Variants in DDX60L observed in about 807,000 individuals in gnomAD.
DDX60L encodes probable ATP-dependent RNA helicase DDX60-like.
DDX60L carries 191 observed loss-of-function variants against 211.6 expected under a neutral mutation model. The observed-to-expected ratio is 0.90, with a 90% CI of 0.80 to 1.02. DDX60L has a LOEUF of 1.02. DDX60L is among the 50% of genes least tolerant of loss of function. DDX60L has a pLI of 0.00. For synonymous variants in DDX60L, 706 were observed against 694.1 expected (o/e 1.02, Z -0.27); for missense variants, 2,007 against 1,984.1 (o/e 1.01, Z -0.22).
At chr4:168,474,633 C>T (rs904098041) in intron 1 of DDX60L, among the ~76,000 whole-genome samples, 2 of 151,962 alleles carry the variant, frequency 1.3e-5, no homozygotes, top group Non-Finnish European at 2.9e-5. Context: ...AGCAAGATTG[C>T]AGATATAAAA....
chr4:168,384,312 C>T (rs990137174), intron 30 of DDX60L, among the ~76,000 whole-genome samples: 4 of 151,992 alleles, frequency 2.6e-5, no homozygotes, highest in African/African-American at 7.3e-5. Context: ...GAGCCCTCAC[C>T]TCTACACAAA....
chr4:168,450,488 G>T (rs999805525), intron 8 of DDX60L, among the ~76,000 whole-genome samples: 3 of 147,896 alleles, frequency 2.0e-5, no homozygotes, highest in African/African-American at 7.5e-5. Flanking sequence ...AAAAAAAAAA[G>T]ATTACAGATG....
intron 8 of DDX60L, among the ~76,000 whole-genome samples, chr4:168,449,330 T>C (rs1185636226): frequency 5.3e-5 from 8 of 150,298 alleles, no homozygotes; most frequent in East Asian, 3.9e-4. Flanking sequence ...ATGGATGAAA[T>C]TGGAAACCAT....
chr4:168,453,696 G>A (rs1327162145), intron 7 of DDX60L, among the ~76,000 whole-genome samples: 2 of 152,084 alleles, frequency 1.3e-5, no homozygotes, highest in Admixed American at 6.6e-5. Context: ...ATGAGAAATC[G>A]GGGAAGGAAA....
chr4:168,472,508 T>C lies in DDX60L; in HGVS notation c.21A>G (p.Ala7=). The change falls in exon 3 of 38, where the codon GCA becomes GCG. Residue 7 remains alanine, a synonymous_variant. Coordinates refer to ENST00000682922, the MANE Select transcript of DDX60L (RefSeq NM_001012967.3). MGSKDH[A]VFFREMTQLI... is the part of the protein sequence containing the mutation. ...ACTGTGTCATTTCCCTGAAAAATAC[T>C]GCATGATCCTTTGACCCTAAAAATA... 1.3e-6 allele frequency: 2 copies of C among 1,579,602 alleles called. No individual in the cohort carries two copies. The highest frequency in any genetic ancestry group is 1.1e-5 in the South Asian group (1 of 86,994).
intron 4 of DDX60L, 165 bp downstream of exon 4, chr4:168,471,582 G>A (rs934953354): frequency 3.2e-5 from 16 of 498,652 alleles, no homozygotes; most frequent in Middle Eastern, 1.0e-3. Flanking sequence ...ATAAAGAATG[G>A]TTATCTCTGA....
Position 168,371,693 on chromosome 4 carries a change from C to T in DDX60L, c.4847G>A (p.Arg1616Gln), listed in dbSNP as rs780659128. ...TGCATTTAGTGGCATTCTCCTTCCT[C>T]GGTTATCTAATTTCCATGGCCACAG... ...PLLWPWKLDN[R>Q]GRRMPLNAYV... The change falls in exon 36 of 38, where the codon CGA becomes CAA. Residue 1616 changes from arginine to glutamine, a missense_variant. Transcript: ENST00000682922. 23 of 1,611,062 alleles carry T rather than the reference C, an allele frequency of 1.4e-5. 1 individual carries two copies. In the South Asian group the frequency reaches 1.5e-4, roughly 11 times the overall value.
intron 8 of DDX60L, among the ~76,000 whole-genome samples, chr4:168,450,357 A>G (rs1362712235): frequency 6.6e-6 from 1 of 151,992 alleles, no homozygotes; most frequent in East Asian, 1.9e-4. Context: ...GACCTGACCA[A>G]TCAGCATTCT....
intron 32 of DDX60L, 69 bp from the exon 33 acceptor site, chr4:168,378,544 G>GT: frequency 1.6e-6 from 2 of 1,253,942 alleles, no homozygotes; most frequent in Non-Finnish European, 2.1e-6. Context: ...GCCTAAATTT[G>GT]TTTTTATAGT....
intron 26 of DDX60L, among the ~76,000 whole-genome samples, 172 bp from the exon 27 acceptor site, chr4:168,396,296 A>T (rs1745779209): frequency 6.6e-6 from 1 of 152,100 alleles, no homozygotes; most frequent in Non-Finnish European, 1.5e-5. Context: ...TTCATCTAGA[A>T]GTCAGGTCCC....
chr4:168,379,505 C>A lies in DDX60L; in HGVS notation c.4222-1G>T. ...GATTACCCTTTTTATTTAAATAGTC[C>A]TAAAAATGAGAAACAAAAAGTTGAT... On this transcript the variant is annotated splice_acceptor_variant, in intron 31 of 37. Transcript: ENST00000682922. LOFTEE classifies it high-confidence loss of function. The A allele has an allele frequency of 6.4e-7, 1 of 1,552,636 alleles. No individual in the cohort carries two copies. The highest frequency in any genetic ancestry group is 8.7e-7 in the Non-Finnish European group (1 of 1,154,260).
intron 1 of DDX60L, 33 bp from the exon 2 acceptor site, chr4:168,472,842 T>G: frequency 1.2e-6 from 1 of 856,108 alleles, no homozygotes; most frequent in Non-Finnish European, 1.8e-6. Flanking sequence ...ACTGCAGTTA[T>G]TCCTAAAACA....
At chr4:168,442,416 G>C (rs372376827) in intron 9 of DDX60L, among the ~76,000 whole-genome samples, 1 of 152,124 alleles carries the variant, frequency 6.6e-6, no homozygotes, top group African/African-American at 2.4e-5. Flanking sequence ...AGGCGGCAGC[G>C]AGGCTGGGGG....
chr4:168,384,327 T>A lies in DDX60L; in HGVS notation c.4116+285A>T, dbSNP rs1352158333. On this transcript the variant is annotated intron_variant, in intron 30 of 37. Transcript: ENST00000682922. ...GAGCCCTCACCTCTACACAAAAAAA[T>A]AAAATAAAAATTAGCTGGGCATGGT... 4.6e-5 allele frequency among the ~76,000 whole-genome samples: 7 copies of A among 151,792 alleles called. 1 individual carries two copies. The highest frequency in any genetic ancestry group is 3.9e-4 in the Admixed American group (6 of 15,228).
intron 16 of DDX60L, 26 bp from the exon 17 acceptor site, chr4:168,421,935 G>A (rs556976114): frequency 2.5e-6 from 4 of 1,613,806 alleles, no homozygotes; most frequent in East Asian, 2.2e-5. Context: ...CACCATTTGT[G>A]TCAAGAAAGT....
intron 33 of DDX60L, among the ~76,000 whole-genome samples, chr4:168,377,484 C>T (rs1742179521): frequency 6.6e-6 from 1 of 152,066 alleles, no homozygotes; most frequent in African/African-American, 2.4e-5. Flanking sequence ...ACCATGTTAA[C>T]TGCATCTATT....
At chr4:168,479,759 G>A (rs1407770125) in intron 1 of DDX60L, among the ~76,000 whole-genome samples, 1 of 134,438 alleles carries the variant, frequency 7.4e-6, no homozygotes, top group Non-Finnish European at 1.6e-5. Flanking sequence ...ACGAGGTCAG[G>A]AGATCGAGAC....
At chr4:168,398,165 G>A (rs1250865091) in intron 26 of DDX60L, among the ~76,000 whole-genome samples, 1 of 152,178 alleles carries the variant, frequency 6.6e-6, no homozygotes, top group African/African-American at 2.4e-5. Flanking sequence ...GGAAGCACCT[G>A]CTCCCACTAC....
At chr4:168,360,143 A>G (rs763634234) in intron 37 of DDX60L, among the ~76,000 whole-genome samples, 1 of 152,222 alleles carries the variant, frequency 6.6e-6, no homozygotes, top group Non-Finnish European at 1.5e-5. Context: ...CAATCATAGC[A>G]CTTACCACAT....
Sources: gnomAD v4.1 joint callset for allele counts (sites outside exome capture counted in the v4.1 genomes callset) on GRCh38, gnomAD v4.1.1 for gene constraint, MANE v1.5 for transcripts, NCBI Gene and HGNC (gene_info 2026-07-23, HGNC 2026-07-21) for gene names.